MYCBP2: variants seen among roughly 807,000 people sequenced by gnomAD.
MYCBP2 encodes E3 ubiquitin-protein ligase MYCBP2.
A neutral mutation model predicts 525.3 loss-of-function variants in MYCBP2; 120 were observed. The observed-to-expected ratio is 0.23, with a 90% CI of 0.20 to 0.27. The LOEUF (loss-of-function observed/expected upper bound fraction) is 0.27, where lower values mean the gene tolerates loss of function less well. Among genes scored for constraint, MYCBP2 ranks in the 10% least tolerant of loss-of-function variants. The pLI is 1.00. For missense variants in MYCBP2, 4,149 were observed against 5,657.1 expected (o/e 0.73, Z 8.55); for synonymous variants, 1,894 against 1,955.8 (o/e 0.97, Z 0.83).
At chr13:77,298,067 A>G (rs1390009427) in intron 1 of MYCBP2, among the ~76,000 whole-genome samples, 1 of 152,226 alleles carries the variant, frequency 6.6e-6, no homozygotes, top group Non-Finnish European at 1.5e-5. Context: ...AAGCACCGAC[A>G]TCGTTTAAAA....
At chr13:77,068,901 G>C (rs949962026) in intron 69 of MYCBP2, 70 bp from the exon 70 acceptor site, 7 of 1,416,974 alleles carry the variant, frequency 4.9e-6, no homozygotes, top group Non-Finnish European at 6.8e-6. Context: ...AGCAAAACAA[G>C]CAAACAAAAG....
chr13:77,155,975 C>G (rs1186015202), intron 46 of MYCBP2, 83 bp downstream of exon 46: 20 of 1,353,254 alleles, frequency 1.5e-5, no homozygotes, highest in Non-Finnish European at 1.8e-5. Context: ...CAAATGGACT[C>G]TCAGCACTTG....
At position 77,177,774 on chromosome 13, in the gene MYCBP2, A is replaced by G; in HGVS notation, c.5314T>C (p.Tyr1772His). The G allele has an allele frequency of 3.7e-6, 6 of 1,613,484 alleles. No individual in the cohort carries two copies. Among genetic ancestry groups the G allele is most frequent in the Non-Finnish European group, 4.2e-6 (5 of 1,179,426 alleles). ...SVYGGGGIHE[Y>H]ELEVLVDDSE... ...TCATCAACCAACACCTCTAATTCAT[A>G]TTCATGAATTCCACCTCCTCCATAG... Residue 1772 changes from tyrosine to histidine, a missense_variant, in exon 35 of 83, where the codon TAT becomes CAT. Tyr to His is a moderately conservative substitution (Grantham distance 83). This residue lies in a region of MYCBP2 where 109 missense variants were observed against 118.9 expected (regional missense o/e 0.92). Transcript: ENST00000544440.
intron 26 of MYCBP2, 106 bp downstream of exon 26, chr13:77,205,150 A>C: frequency 5.9e-6 from 6 of 1,022,418 alleles, no homozygotes; most frequent in Non-Finnish European, 7.8e-6. Flanking sequence ...AACAAAATAA[A>C]CCCAGTTAAA....
intron 4 of MYCBP2, among the ~76,000 whole-genome samples, chr13:77,275,096 A>C (rs1160839192): frequency 6.6e-6 from 1 of 152,178 alleles, no homozygotes; most frequent in Non-Finnish European, 1.5e-5. Context: ...CACACTGGCA[A>C]CTATTCTACA....
At chr13:77,322,544 G>T (rs1405127463) in intron 1 of MYCBP2, among the ~76,000 whole-genome samples, 1 of 152,198 alleles carries the variant, frequency 6.6e-6, no homozygotes, top group Non-Finnish European at 1.5e-5. Context: ...ACAGTGCCAT[G>T]CTGGTTGGAA....
chr13:77,199,734 C>T (rs976265157), intron 26 of MYCBP2, among the ~76,000 whole-genome samples: 27 of 152,192 alleles, frequency 1.8e-4, no homozygotes, highest in African/African-American at 6.3e-4. Context: ...GTCCCTGACC[C>T]CTGACCCTCC....
intron 14 of MYCBP2, among the ~76,000 whole-genome samples, chr13:77,251,603 T>G (rs1271649330): frequency 6.6e-6 from 1 of 152,222 alleles, no homozygotes; most frequent in East Asian, 1.9e-4. Flanking sequence ...TTACCTTCTG[T>G]CAATCATACT....
At chr13:77,153,708 A>G (rs968610971) in intron 46 of MYCBP2, among the ~76,000 whole-genome samples, 5 of 132,750 alleles carry the variant, frequency 3.8e-5, no homozygotes, top group African/African-American at 1.4e-4. Flanking sequence ...TGTATTTCCT[A>G]TGTGACTTTC....
chr13:77,210,714 T>G (rs1460654748), intron 23 of MYCBP2, among the ~76,000 whole-genome samples: 1 of 152,114 alleles, frequency 6.6e-6, no homozygotes, highest in African/African-American at 2.4e-5. Flanking sequence ...TAATAATAAT[T>G]ATGAGAACAA....
intron 43 of MYCBP2, among the ~76,000 whole-genome samples, chr13:77,163,140 T>C (rs1038896971): frequency 3.3e-5 from 5 of 152,192 alleles, no homozygotes; most frequent in African/African-American, 1.2e-4. Flanking sequence ...TTTGGTTGTT[T>C]CTAGGTTTTA....
intron 80 of MYCBP2, among the ~76,000 whole-genome samples, chr13:77,054,452 C>T (rs1240276519): frequency 6.6e-6 from 1 of 151,994 alleles, no homozygotes. Context: ...ATTAGGGGTT[C>T]TACACCCGAG....
intron 3 of MYCBP2, among the ~76,000 whole-genome samples, chr13:77,282,440 G>A (rs1285551537): frequency 1.3e-5 from 2 of 150,590 alleles, no homozygotes; most frequent in Non-Finnish European, 3.0e-5. Flanking sequence ...AAGAAAGTAT[G>A]AGTGTGAAGT....
At chr13:77,210,563 T>A (rs555931414) in intron 23 of MYCBP2, among the ~76,000 whole-genome samples, 16 of 152,250 alleles carry the variant, frequency 1.1e-4, no homozygotes, top group Admixed American at 2.6e-4. Context: ...TTTATCTCTA[T>A]GTTTTTATAA....
At chr13:77,177,266 T>G (rs2059794479) in intron 35 of MYCBP2, among the ~76,000 whole-genome samples, 1 of 151,578 alleles carries the variant, frequency 6.6e-6, no homozygotes, top group Non-Finnish European at 1.5e-5. Flanking sequence ...GAAGCAGTAG[T>G]GACCCAAGGT....
At chr13:77,048,947 T>A (rs985577900) in intron 82 of MYCBP2, among the ~76,000 whole-genome samples, 1 of 152,206 alleles carries the variant, frequency 6.6e-6, no homozygotes. Context: ...AAATCTAGAT[T>A]TCCCCTGAAG....
chr13:77,300,911 G>A (rs2078712649), intron 1 of MYCBP2, among the ~76,000 whole-genome samples: 1 of 152,156 alleles, frequency 6.6e-6, no homozygotes, highest in Non-Finnish European at 1.5e-5. Context: ...TCTTCCATGG[G>A]GGTAACTGCA....
At chr13:77,210,188 C>T (rs1566934777) in intron 23 of MYCBP2, among the ~76,000 whole-genome samples, 1 of 150,562 alleles carries the variant, frequency 6.6e-6, no homozygotes, top group Admixed American at 6.7e-5. Flanking sequence ...TAAAGCACCA[C>T]AATAATTTTT....
At chr13:77,166,966 AACACACACATAC>A (rs1453877065) in intron 40 of MYCBP2, among the ~76,000 whole-genome samples, 46 of 123,974 alleles carry the variant, frequency 3.7e-4, no homozygotes, top group Non-Finnish European at 5.8e-4. Context: ...TCAAAGACAA[AACACACACATAC>A]ACACACACAC....
Sources: allele counts gnomAD v4.1 joint callset (sites outside exome capture counted in the v4.1 genomes callset), GRCh38; gene constraint gnomAD v4.1.1; regional missense constraint gnomAD v4.1.1; transcripts MANE v1.5; gene names NCBI Gene and HGNC (gene_info 2026-07-23, HGNC 2026-07-21).